LINGO2: variants seen among roughly 807,000 people sequenced by gnomAD.
LINGO2 encodes the protein leucine-rich repeat and immunoglobulin-like domain-containing nogo receptor-interacting protein 2.
LINGO2 carries 14 observed loss-of-function variants against 30.6 expected under a neutral mutation model. The observed-to-expected ratio is 0.46, with a 90% CI of 0.30 to 0.72. LINGO2 has a LOEUF of 0.72. Among genes scored for constraint, LINGO2 ranks in the 30% least tolerant of loss-of-function variants. LINGO2 has a pLI of 0.07. For synonymous variants in LINGO2, 317 were observed against 288.5 expected, an observed-to-expected ratio of 1.10 and a Z score of -1.00; for missense variants, 729 against 751.7, an observed-to-expected ratio of 0.97 and a Z score of 0.35.
the LINGO2 span, among the ~76,000 whole-genome samples, chr9:29,088,637 C>T: frequency 2.7e-4 from 41 of 152,230 alleles, no homozygotes; most frequent in East Asian, 9.7e-4. Context: ...ATAATACCTA[C>T]ACAGACTAAT....
chr9:28,795,983 T>TACACACACACACAC, the LINGO2 span, among the ~76,000 whole-genome samples: 391 of 138,238 alleles, frequency 2.8e-3, 2 homozygotes, highest in East Asian at 0.015. Context: ...CAGTACTAGA[T>TACACACACACACAC]ACACACACAC....
the LINGO2 span, among the ~76,000 whole-genome samples, chr9:28,830,888 G>A: frequency 4.0e-5 from 6 of 151,442 alleles, no homozygotes; most frequent in South Asian, 6.2e-4. Flanking sequence ...GCGTGCGCAC[G>A]CACGCACACA....
chr9:29,185,905 A>G, the LINGO2 span, among the ~76,000 whole-genome samples: 1 of 152,194 alleles, frequency 6.6e-6, no homozygotes, highest in South Asian at 2.1e-4. Context: ...AAAAAAGACC[A>G]CTAGATTATG....
chr9:28,602,778 C>G (rs969254058), intron 1 of LINGO2, among the ~76,000 whole-genome samples: 3 of 151,954 alleles, frequency 2.0e-5, no homozygotes, highest in African/African-American at 7.2e-5. Context: ...ATACAGAAGG[C>G]TGAATGACAA....
the LINGO2 span, among the ~76,000 whole-genome samples, chr9:28,967,378 C>T: frequency 6.6e-6 from 1 of 152,134 alleles, no homozygotes; most frequent in African/African-American, 2.4e-5. Context: ...TATCCTACCA[C>T]TAGGCCAAGA....
the LINGO2 span, among the ~76,000 whole-genome samples, chr9:29,062,955 T>G: frequency 4.6e-5 from 7 of 152,160 alleles, no homozygotes; most frequent in African/African-American, 1.7e-4. Flanking sequence ...AAGACCAGAT[T>G]ACGTTCTAGA....
chr9:28,721,382 A>G, the LINGO2 span, among the ~76,000 whole-genome samples: 1 of 152,080 alleles, frequency 6.6e-6, no homozygotes, highest in African/African-American at 2.4e-5. Context: ...CAGCACTATC[A>G]ACAATAGCAA....
chr9:28,871,649 C>A, the LINGO2 span, among the ~76,000 whole-genome samples: 50 of 151,930 alleles, frequency 3.3e-4, no homozygotes, highest in Admixed American at 3.3e-3. Flanking sequence ...CTTCAAACCT[C>A]TGAGGTTTTT....
At chr9:28,300,321 A>C (rs1353920603) in intron 3 of LINGO2, among the ~76,000 whole-genome samples, 2 of 152,152 alleles carry the variant, frequency 1.3e-5, no homozygotes, top group Non-Finnish European at 2.9e-5. Context: ...TTTTCATTTC[A>C]GAACCCAGCA....
At chr9:29,149,711 C>T in the LINGO2 span, among the ~76,000 whole-genome samples, 1 of 152,048 alleles carries the variant, frequency 6.6e-6, no homozygotes, top group Non-Finnish European at 1.5e-5. Flanking sequence ...TGCCTGGAGA[C>T]TACACAAAGA....
At chr9:28,849,306 C>T in the LINGO2 span, among the ~76,000 whole-genome samples, 11 of 152,106 alleles carry the variant, frequency 7.2e-5, no homozygotes, top group Middle Eastern at 3.4e-3. Flanking sequence ...TAGTACAACG[C>T]TGTCCCTGGC....
At chr9:28,896,214 G>A in the LINGO2 span, among the ~76,000 whole-genome samples, 1 of 152,108 alleles carries the variant, frequency 6.6e-6, no homozygotes, top group Non-Finnish European at 1.5e-5. Flanking sequence ...GACAATGCAG[G>A]CAACTTTGTT....
intron 3 of LINGO2, among the ~76,000 whole-genome samples, chr9:28,306,115 G>C (rs775432223): frequency 3.3e-5 from 5 of 152,066 alleles, no homozygotes; most frequent in Non-Finnish European, 7.4e-5. Context: ...GTTCAATGTA[G>C]GTTGCACCTC....
At chr9:28,599,329 T>C (rs1825357945) in intron 1 of LINGO2, 1 of 152,166 alleles carries the variant, frequency 6.6e-6, no homozygotes, top group African/African-American at 2.4e-5. Flanking sequence ...AGTTAGAGTA[T>C]AATCTGTATG....
chr9:28,198,634 A>T (rs1323997181), intron 4 of LINGO2, among the ~76,000 whole-genome samples: 11 of 152,174 alleles, frequency 7.2e-5, no homozygotes, highest in Non-Finnish European at 1.6e-4. Flanking sequence ...CACAACCATC[A>T]CTTAACAAAA....
chr9:28,102,658 C>T (rs1235537357), intron 4 of LINGO2, among the ~76,000 whole-genome samples: 1 of 152,054 alleles, frequency 6.6e-6, no homozygotes, highest in African/African-American at 2.4e-5. Flanking sequence ...CAGACACTTA[C>T]AACCCACAGT....
At chr9:28,305,786 A>G (rs999517079) in intron 3 of LINGO2, among the ~76,000 whole-genome samples, 10 of 152,118 alleles carry the variant, frequency 6.6e-5, no homozygotes, top group Middle Eastern at 3.4e-3. Context: ...GACATCAACA[A>G]TAATGGGTTT....
the LINGO2 span, among the ~76,000 whole-genome samples, chr9:28,811,532 C>T: frequency 6.6e-6 from 1 of 152,100 alleles, no homozygotes; most frequent in Non-Finnish European, 1.5e-5. Flanking sequence ...ATAATCTGTT[C>T]CCATTCATTT....
At chr9:29,085,235 T>C in the LINGO2 span, among the ~76,000 whole-genome samples, 1 of 132,554 alleles carries the variant, frequency 7.5e-6, no homozygotes, top group Non-Finnish European at 1.5e-5. Context: ...AGAAAGTCCC[T>C]ATCTTATCTA....
Sources: gnomAD v4.1 joint callset for allele counts (sites outside exome capture counted in the v4.1 genomes callset) on GRCh38, gnomAD v4.1.1 for gene constraint, MANE v1.5 for transcripts, NCBI Gene and HGNC (gene_info 2026-07-23, HGNC 2026-07-21) for gene names.